CTNND2: variants seen among roughly 807,000 people sequenced by gnomAD.
CTNND2 encodes the protein catenin delta 2, also known as catenin delta-2.
A neutral mutation model predicts 144.4 loss-of-function variants in CTNND2; 22 were observed. That is an observed-to-expected ratio of 0.15 (90% confidence interval 0.11 to 0.22). The LOEUF is 0.22. CTNND2 is among the 10% of genes least tolerant of loss of function. The pLI is 1.00. For synonymous variants in CTNND2, 751 were observed against 695.6 expected (o/e 1.08, Z -1.25); for missense variants, 1,353 against 1,618.8 (o/e 0.84, Z 2.82).
intron 2 of CTNND2, among the ~76,000 whole-genome samples, chr5:11,726,784 C>T (rs1314995905): frequency 6.6e-6 from 1 of 152,138 alleles, no homozygotes; most frequent in Non-Finnish European, 1.5e-5. Flanking sequence ...GTAAACCCAA[C>T]AACTAACACT....
chr5:11,361,067 C>T (rs1756399278), intron 8 of CTNND2, among the ~76,000 whole-genome samples: 1 of 152,164 alleles, frequency 6.6e-6, no homozygotes, highest in Non-Finnish European at 1.5e-5. Context: ...GTTGCCCAGG[C>T]TGGAGTGCAG....
At chr5:11,147,386 T>A (rs944679299) in intron 12 of CTNND2, among the ~76,000 whole-genome samples, 9 of 152,132 alleles carry the variant, frequency 5.9e-5, no homozygotes, top group Non-Finnish European at 1.3e-4. Flanking sequence ...CAGGTGTTGG[T>A]AGTCACATGT....
intron 12 of CTNND2, among the ~76,000 whole-genome samples, chr5:11,134,828 G>A (rs985558088): frequency 6.6e-6 from 1 of 152,152 alleles, no homozygotes; most frequent in Non-Finnish European, 1.5e-5. Flanking sequence ...TGGCACCACT[G>A]GGTGCACAAT....
chr5:11,221,668 G>T (rs115912205), intron 10 of CTNND2, among the ~76,000 whole-genome samples: 1 of 152,168 alleles, frequency 6.6e-6, no homozygotes. Context: ...TTCACAAAAT[G>T]TTCTCTCCAG....
intron 8 of CTNND2, among the ~76,000 whole-genome samples, chr5:11,346,895 G>A (rs898148873): frequency 1.3e-5 from 2 of 152,118 alleles, no homozygotes; most frequent in South Asian, 4.2e-4. Flanking sequence ...AACAGAAGGT[G>A]TGTTCAGCTG....
chr5:11,556,627 T>C (rs924655758), intron 3 of CTNND2, among the ~76,000 whole-genome samples: 2 of 152,178 alleles, frequency 1.3e-5, no homozygotes, highest in African/African-American at 4.8e-5. Flanking sequence ...ACTCTAGTTA[T>C]AGAACTGTTG....
intron 12 of CTNND2, among the ~76,000 whole-genome samples, chr5:11,134,097 G>A (rs1580381558): frequency 6.6e-6 from 1 of 152,166 alleles, no homozygotes; most frequent in South Asian, 2.1e-4. Flanking sequence ...GAAGAGGAAG[G>A]CACAAGGGTC....
chr5:11,507,307 G>A (rs1771150561), intron 3 of CTNND2, among the ~76,000 whole-genome samples: 1 of 152,178 alleles, frequency 6.6e-6, no homozygotes, highest in Non-Finnish European at 1.5e-5. Context: ...TAAGCTAAGA[G>A]AACAGGCCAA....
chr5:11,852,663 C>T (rs1795070442), intron 1 of CTNND2, among the ~76,000 whole-genome samples: 1 of 152,172 alleles, frequency 6.6e-6, no homozygotes, highest in African/African-American at 2.4e-5. Flanking sequence ...TTTCTGTTTA[C>T]ATGCAGTGGG....
chr5:11,477,261 C>CT (rs1444251971), intron 3 of CTNND2, among the ~76,000 whole-genome samples: 5 of 151,970 alleles, frequency 3.3e-5, no homozygotes, highest in East Asian at 1.9e-4. Flanking sequence ...AGAAAAGCAA[C>CT]TTTTTTTGTT....
At chr5:11,504,326 T>C (rs956947514) in intron 3 of CTNND2, among the ~76,000 whole-genome samples, 1 of 152,226 alleles carries the variant, frequency 6.6e-6, no homozygotes, top group Non-Finnish European at 1.5e-5. Context: ...TAGAAATCAT[T>C]ATTAATCATA....
intron 2 of CTNND2, among the ~76,000 whole-genome samples, chr5:11,579,270 AG>A (rs1778223622): frequency 6.6e-6 from 1 of 152,152 alleles, no homozygotes; most frequent in African/African-American, 2.4e-5. Context: ...AGAATGTAGC[AG>A]TGATAAATGT....
chr5:11,287,462 T>C (rs939915236), intron 9 of CTNND2, among the ~76,000 whole-genome samples: 2 of 152,220 alleles, frequency 1.3e-5, no homozygotes, highest in Admixed American at 6.5e-5. Context: ...TCTTTTTATA[T>C]AGACATATTT....
At chr5:11,789,761 T>C (rs903411965) in intron 1 of CTNND2, among the ~76,000 whole-genome samples, 4 of 152,204 alleles carry the variant, frequency 2.6e-5, no homozygotes, top group East Asian at 1.9e-4. Flanking sequence ...ATGTTGAATA[T>C]TGGAAGTGAT....
chr5:11,820,309 TG>T (rs1793242097), intron 1 of CTNND2, among the ~76,000 whole-genome samples: 1 of 152,212 alleles, frequency 6.6e-6, no homozygotes, highest in Non-Finnish European at 1.5e-5. Flanking sequence ...CTCTTTACCT[TG>T]GGCAATGTCT....
chr5:11,168,443 T>C (rs913232803), intron 11 of CTNND2, among the ~76,000 whole-genome samples: 2 of 152,212 alleles, frequency 1.3e-5, no homozygotes, highest in East Asian at 3.9e-4. Context: ...GATCACAGCA[T>C]TTTATAAATG....
At chr5:11,373,799 C>A (rs1459727426) in intron 7 of CTNND2, among the ~76,000 whole-genome samples, 2 of 152,148 alleles carry the variant, frequency 1.3e-5, no homozygotes, top group East Asian at 3.8e-4. Flanking sequence ...CAGAAATATC[C>A]ATTCCTGAAA....
intron 3 of CTNND2, among the ~76,000 whole-genome samples, chr5:11,425,461 G>C (rs1762700915): frequency 6.6e-6 from 1 of 152,184 alleles, no homozygotes; most frequent in South Asian, 2.1e-4. Flanking sequence ...GAAAGATGGA[G>C]CAGCCTCCCC....
chr5:11,270,418 A>T (rs1745877178), intron 9 of CTNND2, among the ~76,000 whole-genome samples: 1 of 152,066 alleles, frequency 6.6e-6, no homozygotes, highest in East Asian at 1.9e-4. Context: ...TGTCAGGAAC[A>T]TGATTGTGTT....
Sources: gnomAD v4.1 joint callset for allele counts (sites outside exome capture counted in the v4.1 genomes callset) on GRCh38, gnomAD v4.1.1 for gene constraint, MANE v1.5 for transcripts, NCBI Gene and HGNC (gene_info 2026-07-23, HGNC 2026-07-21) for gene names.